The following ACSBG2 variants were observed in gnomAD, a reference collection of about 807,000 sequenced individuals.
The protein encoded by ACSBG2 is acyl-CoA synthetase bubblegum family member 2.
ACSBG2 carries 62 observed loss-of-function variants against 74.7 expected under a neutral mutation model. The observed-to-expected ratio is 0.83, with a 90% CI of 0.68 to 1.03. The LOEUF is 1.03. Ranked by LOEUF, ACSBG2 falls within the 50% of genes least tolerant of loss-of-function variation. ACSBG2 has a pLI of 0.00. For synonymous variants in ACSBG2, 309 were observed against 294.1 expected, an observed-to-expected ratio of 1.05 and a Z score of -0.52; for missense variants, 730 against 817.6, an observed-to-expected ratio of 0.89 and a Z score of 1.31.
At chr19:6,145,346 G>A (rs1025609305) in intron 2 of ACSBG2, among the ~76,000 whole-genome samples, 8 of 151,036 alleles carry the variant, frequency 5.3e-5, no homozygotes, top group African/African-American at 1.7e-4. Context: ...CGGTGAGCTC[G>A]CATGATCCCA....
chr19:6,152,163 G>A (rs988284727), intron 4 of ACSBG2, among the ~76,000 whole-genome samples: 2 of 152,118 alleles, frequency 1.3e-5, no homozygotes, highest in Non-Finnish European at 2.9e-5. Context: ...CTACAGATGA[G>A]GAAACTGAGG....
chr19:6,143,852 T>C (rs939686644), intron 2 of ACSBG2, among the ~76,000 whole-genome samples: 4 of 152,250 alleles, frequency 2.6e-5, no homozygotes, highest in Admixed American at 2.6e-4. Flanking sequence ...TAAGTTGTTA[T>C]GAGATTAATT....
intron 2 of ACSBG2, 98 bp downstream of exon 2, chr19:6,141,708 C>T (rs1263419025): frequency 1.2e-6 from 1 of 829,406 alleles, no homozygotes; most frequent in African/African-American, 1.7e-5. Context: ...TGTAGCCATT[C>T]CTTGCCTGAC....
intron 6 of ACSBG2, among the ~76,000 whole-genome samples, chr19:6,165,412 G>C (rs1469932843): frequency 6.6e-6 from 1 of 152,172 alleles, no homozygotes; most frequent in African/African-American, 2.4e-5. Flanking sequence ...GAGCCAATTA[G>C]GGTTGACTTC....
intron 3 of ACSBG2, among the ~76,000 whole-genome samples, chr19:6,149,094 A>T (rs1467448139): frequency 6.6e-6 from 1 of 152,094 alleles, no homozygotes; most frequent in Non-Finnish European, 1.5e-5. Context: ...GTGAAACTCC[A>T]TCTCAAAAAA....
At chr19:6,166,604 C>T (rs1168263563) in intron 7 of ACSBG2, among the ~76,000 whole-genome samples, 2 of 151,758 alleles carry the variant, frequency 1.3e-5, no homozygotes, top group African/African-American at 4.8e-5. Context: ...TGAGCCACCA[C>T]GCCCAGCCTA....
Position 6,147,678 on chromosome 19 carries a change from A to G in ACSBG2, c.297+3A>G, listed in dbSNP as rs757637910. ...AGGCTGCAAAATCCTTGATCAAGGTAAGATTCATTCATTCATTCTCCTTTG... is the reference window on the plus strand; with the variant it reads ...AGGCTGCAAAATCCTTGATCAAGGTGAGATTCATTCATTCATTCTCCTTTG... On this transcript the variant is annotated splice_donor_region_variant and intron_variant, in intron 3 of 14. Transcript: ENST00000588485. 1.9e-6 allele frequency: 3 copies of G among 1,609,894 alleles called. No homozygotes were observed. In the South Asian group the frequency reaches 3.3e-5, roughly 18 times the overall value.
At position 6,155,243 on chromosome 19, in the gene ACSBG2, T is replaced by C. The variant is rs2089379110; in HGVS notation, c.387-1188T>C. ...TGGTGCTGGACCAACTGGATATTTG[T>C]ATGGAAAAATAAATCAGCCCTGATC... On this transcript the variant is annotated intron_variant, in intron 4 of 14. Coordinates refer to ENST00000588485, the MANE Select transcript of ACSBG2 (RefSeq NM_030924.5). Among the ~76,000 whole-genome samples, 4 of 152,228 alleles carry C rather than the reference T, an allele frequency of 2.6e-5. No individual in the cohort carries two copies. The South Asian group carries it at 8.3e-4, about 32-fold the overall frequency.
chr19:6,141,450 T>G (rs1599984987), intron 1 of ACSBG2, 63 bp from the exon 2 acceptor site: 1 of 792,102 alleles, frequency 1.3e-6, no homozygotes, highest in African/African-American at 1.7e-5. Flanking sequence ...GATGGAAGAG[T>G]TGGCCTCATC....
chr19:6,149,413 GT>G (rs2089155577), intron 3 of ACSBG2, among the ~76,000 whole-genome samples: 1 of 151,894 alleles, frequency 6.6e-6, no homozygotes, highest in African/African-American at 2.4e-5. Context: ...CAAAGAGGGA[GT>G]TTTCCCCTAA....
chr19:6,152,761 CA>C (rs969171961), intron 4 of ACSBG2, among the ~76,000 whole-genome samples: 1 of 151,978 alleles, frequency 6.6e-6, no homozygotes, highest in African/African-American at 2.4e-5. Context: ...TTAGTGATGG[CA>C]AAAAGTCGGG....
chr19:6,137,681 T>C (rs1222602162), intron 1 of ACSBG2, among the ~76,000 whole-genome samples: 1 of 152,146 alleles, frequency 6.6e-6, no homozygotes, highest in Admixed American at 6.6e-5. Context: ...GGAGTTTCAC[T>C]CTTATCTCCC....
At chr19:6,181,809 A>ACCCCCCCCC (rs1487682988) in intron 8 of ACSBG2, among the ~76,000 whole-genome samples, 3 of 28,348 alleles carry the variant, frequency 1.1e-4, no homozygotes, top group East Asian at 1.7e-3. Context: ...AATAGTCCCC[A>ACCCCCCCCC]CCCGCCCCCC....
rs776154093 is a variant in ACSBG2 at position 6,185,533 on chromosome 19, G to T, written c.1420G>T (p.Gly474Cys). ...ICLWGRHIFM[G>C]YLESETETTE... is the part of the protein sequence containing the mutation. The stretch of plus-strand genomic sequence containing the variant: ...CCTCTGGGGTAGGCACATCTTCATG[G>T]GCTATCTGGAAAGTGAGACTGAAAC... The change falls in exon 11 of 15, where the codon GGC becomes TGC. Residue 474 changes from glycine (G) to cysteine (C), a missense_variant. Transcript: ENST00000588485. The T allele has an allele frequency of 6.2e-7, 1 of 1,614,170 alleles. No individual in the cohort carries two copies. Among genetic ancestry groups the T allele is most frequent in the South Asian group, 1.1e-5 (1 of 91,084 alleles).
At chr19:6,150,899 A>G (rs2089214022) in intron 3 of ACSBG2, among the ~76,000 whole-genome samples, 1 of 152,070 alleles carries the variant, frequency 6.6e-6, no homozygotes, top group Non-Finnish European at 1.5e-5. Flanking sequence ...GGATTGCTTG[A>G]GGTCAGGGGT....
intron 1 of ACSBG2, among the ~76,000 whole-genome samples, chr19:6,140,985 G>T (rs1000923951): frequency 1.4e-4 from 21 of 152,018 alleles, no homozygotes; most frequent in Non-Finnish European, 2.5e-4. Flanking sequence ...ATTCCTCAGG[G>T]TTCTTTACAT....
intron 7 of ACSBG2, among the ~76,000 whole-genome samples, chr19:6,170,202 G>T (rs1265852913): frequency 6.6e-6 from 1 of 152,164 alleles, no homozygotes; most frequent in Non-Finnish European, 1.5e-5. Context: ...CCTTCAGTAT[G>T]ATGTTTGCTG....
rs78440381 is a variant in ACSBG2 at position 6,136,508 on chromosome 19, ACG to A, written c.-32+603_-32+604del. Among the ~76,000 whole-genome samples, 182 of 149,930 alleles carry A rather than the reference ACG, an allele frequency of 1.2e-3. 1 individual carries two copies. In the East Asian group the frequency reaches 0.03, roughly 25 times the overall value. On this transcript the variant is annotated intron_variant, in intron 1 of 14. Transcript: ENST00000588485. ...CTCTCAAAGTGCTGGGATTATAGGC[ACG>A]CGCCACCATGCCCAGCTAATTTTTG... is the stretch of plus-strand genomic sequence containing the variant.
intron 3 of ACSBG2, among the ~76,000 whole-genome samples, chr19:6,150,406 G>T (rs1042889650): frequency 6.6e-6 from 1 of 151,734 alleles, no homozygotes; most frequent in Non-Finnish European, 1.5e-5. Context: ...GGGTCATAGC[G>T]GCGTTATTCA....
Sources: allele counts gnomAD v4.1 joint callset (sites outside exome capture counted in the v4.1 genomes callset), GRCh38; gene constraint gnomAD v4.1.1; transcripts MANE v1.5; gene names NCBI Gene and HGNC (gene_info 2026-07-23, HGNC 2026-07-21).